PHLPP1: variants seen among roughly 807,000 people sequenced by gnomAD.
The protein encoded by PHLPP1 is PH domain leucine-rich repeat-containing protein phosphatase 1.
Under a neutral mutation model 117.2 loss-of-function variants are expected in PHLPP1, and 42 were observed. That is an observed-to-expected ratio of 0.36 (90% CI 0.28 to 0.46). The LOEUF is 0.46. PHLPP1 is among the 20% of genes least tolerant of loss of function. The pLI is 1.00. For missense variants in PHLPP1, 2,084 were observed against 2,241.9 expected, an observed-to-expected ratio of 0.93 and a Z score of 1.42; for synonymous variants, 1,042 against 970.7, an observed-to-expected ratio of 1.07 and a Z score of -1.37.
intron 10 of PHLPP1, among the ~76,000 whole-genome samples, chr18:62,929,165 T>C (rs1220616517): frequency 6.6e-6 from 1 of 152,184 alleles, no homozygotes; most frequent in Non-Finnish European, 1.5e-5. Context: ...TAAAGCTGTT[T>C]TTTTAAAGAC....
chr18:62,750,659 T>C (rs536172643), intron 1 of PHLPP1, among the ~76,000 whole-genome samples: 77 of 152,084 alleles, frequency 5.1e-4, no homozygotes, highest in Non-Finnish European at 1.0e-3. Context: ...CTTGTTGCTG[T>C]TGTGGAAGGA....
intron 4 of PHLPP1, among the ~76,000 whole-genome samples, chr18:62,871,003 ACATTGTTTATCTCTTTTATT>A (rs1279006755): frequency 9.2e-5 from 14 of 152,192 alleles, no homozygotes. Context: ...TAACTATAAT[ACATTGTTTATCTCTTTTATT>A]AATAGTGCTT....
intron 1 of PHLPP1, among the ~76,000 whole-genome samples, chr18:62,737,373 TGACTC>T (rs1300658207): frequency 6.6e-6 from 1 of 152,204 alleles, no homozygotes; most frequent in African/African-American, 2.4e-5. Context: ...GCTAAGGACT[TGACTC>T]GATAAGCAAG....
chr18:62,788,389 A>G (rs1242129945), intron 1 of PHLPP1, among the ~76,000 whole-genome samples: 9 of 152,116 alleles, frequency 5.9e-5, no homozygotes, highest in Non-Finnish European at 1.3e-4. Flanking sequence ...GTGTAATCTC[A>G]CTGTAATTAC....
chr18:62,831,303 A>G (rs975761130), intron 2 of PHLPP1, among the ~76,000 whole-genome samples: 2 of 151,374 alleles, frequency 1.3e-5, no homozygotes, highest in African/African-American at 4.9e-5. Context: ...AAAATGGGTC[A>G]TTGGGGGCAC....
At chr18:62,962,543 A>G (rs1196291913) in intron 13 of PHLPP1, among the ~76,000 whole-genome samples, 2 of 152,188 alleles carry the variant, frequency 1.3e-5, no homozygotes, top group Admixed American at 6.5e-5. Flanking sequence ...TCCCGACCTC[A>G]GGTGATCCGC....
chr18:62,882,361 C>T (rs2144385476), intron 4 of PHLPP1, among the ~76,000 whole-genome samples: 1 of 152,030 alleles, frequency 6.6e-6, no homozygotes, highest in Middle Eastern at 3.4e-3. Flanking sequence ...CTCTGCCTCC[C>T]AGGTTCACGC....
intron 4 of PHLPP1, among the ~76,000 whole-genome samples, chr18:62,868,382 T>C (rs1915819084): frequency 6.6e-6 from 1 of 152,036 alleles, no homozygotes; most frequent in Non-Finnish European, 1.5e-5. Flanking sequence ...TGCCTGTAAC[T>C]TTGGGAGGCT....
At chr18:62,822,447 AT>A (rs1443963950) in intron 1 of PHLPP1, among the ~76,000 whole-genome samples, 91 of 146,974 alleles carry the variant, frequency 6.2e-4, no homozygotes, top group Non-Finnish European at 9.8e-4. Context: ...ACGCCCAGCT[AT>A]TTTTTTTTTG....
At chr18:62,958,178 T>C (rs1910672877) in intron 12 of PHLPP1, among the ~76,000 whole-genome samples, 1 of 152,260 alleles carries the variant, frequency 6.6e-6, no homozygotes, top group South Asian at 2.1e-4. Context: ...CTACTCGGCC[T>C]CCCAAAGTGC....
chr18:62,830,749 G>A (rs987040700), intron 2 of PHLPP1, among the ~76,000 whole-genome samples: 5 of 152,066 alleles, frequency 3.3e-5, no homozygotes, highest in Non-Finnish European at 7.4e-5. Context: ...TTAGTTATGT[G>A]CATTTTACCT....
At chr18:62,807,461 C>A (rs1255237611) in intron 1 of PHLPP1, among the ~76,000 whole-genome samples, 1 of 152,102 alleles carries the variant, frequency 6.6e-6, no homozygotes, top group African/African-American at 2.4e-5. Context: ...TTCTTGTATT[C>A]ACATAGCTTA....
At chr18:62,747,121 A>G (rs964612109) in intron 1 of PHLPP1, among the ~76,000 whole-genome samples, 1 of 152,074 alleles carries the variant, frequency 6.6e-6, no homozygotes, top group Non-Finnish European at 1.5e-5. Context: ...AAGAATCAGC[A>G]TTAGGTTTTC....
rs889283723 is a variant in PHLPP1 at position 62,797,012 on chromosome 18, A to G, written c.1577-33023A>G. Among the ~76,000 whole-genome samples, 5 of 152,346 alleles carry G rather than the reference A, an allele frequency of 3.3e-5. No homozygotes were observed. The South Asian group carries it at 6.2e-4, about 19-fold the overall frequency. On this transcript the variant is annotated intron_variant, in intron 1 of 16. Coordinates refer to ENST00000262719, the MANE Select transcript of PHLPP1 (RefSeq NM_194449.4). ...GTAGATAGGCAGAAGATATATAAAT[A>G]TTGCCCAAGTGAGATACAGATATCT...
chr18:62,978,532 G>A lies in PHLPP1; in HGVS notation c.4255G>A (p.Val1419Met), dbSNP rs778410161. The part of the protein sequence containing the change: ...YGCHDSISAV[V>M]VQLSVTEDSF... ...CTGCCACGACAGCATCAGCGCTGTG[G>A]TGGTGCAGCTCAGTGTCACTGAGGA... Residue 1419 changes from valine to methionine, a missense_variant, in exon 17 of 17, where the codon GTG becomes ATG. Around this residue, in one of 2 missense-constraint regions of PHLPP1, gnomAD observed 1,365 missense variants for 1,605.9 expected, o/e 0.85. Transcript: ENST00000262719. This position sits in a 1 kb window ranked among gnomAD's most constrained non-coding sequence, Gnocchi z 7.0. 1.9e-5 allele frequency: 31 copies of A among 1,611,342 alleles called. No individual in the cohort carries two copies. Among genetic ancestry groups the A allele is most frequent in the Non-Finnish European group, 2.5e-5 (30 of 1,178,886 alleles).
chr18:62,828,803 A>G (rs957848569), intron 1 of PHLPP1, among the ~76,000 whole-genome samples: 2 of 152,222 alleles, frequency 1.3e-5, no homozygotes, highest in East Asian at 1.9e-4. Context: ...GCCCTTGGCA[A>G]CTAGTCCAAC....
At chr18:62,949,192 AAAGAT>A (rs1232627218) in intron 12 of PHLPP1, among the ~76,000 whole-genome samples, 2 of 152,352 alleles carry the variant, frequency 1.3e-5, no homozygotes, top group East Asian at 1.9e-4. Context: ...ACATTTCAGA[AAAGAT>A]AAGATCATGG....
In PHLPP1 at chr18:62,899,865, G is replaced by A. The variant is rs182799395; in HGVS notation, c.2445-3099G>A. On this transcript the variant is annotated intron_variant, in intron 6 of 16. Transcript: ENST00000262719. ...TTAAATTTTTTAGAGAGATGGGACC[G>A]CAGTTTGTTGCCTAGGCTGGCTCAA... is the stretch of plus-strand genomic sequence containing the variant. Among the ~76,000 whole-genome samples, 670 of 152,252 alleles carry A rather than the reference G, an allele frequency of 4.4e-3. 1 individual carries two copies. Among genetic ancestry groups the A allele is most frequent in the Non-Finnish European group, 6.7e-3 (459 of 68,006 alleles).
intron 1 of PHLPP1, 76 bp downstream of exon 1, chr18:62,717,335 G>T: frequency 6.6e-7 from 1 of 1,507,680 alleles, no homozygotes; most frequent in Non-Finnish European, 8.9e-7. Flanking sequence ...TTGCTTGTCA[G>T]TTTGCCCAAC....
Sources: gnomAD v4.1 joint callset for allele counts (sites outside exome capture counted in the v4.1 genomes callset) on GRCh38, gnomAD v4.1.1 for gene constraint, gnomAD v4.1.1 regional missense constraint, Gnocchi (gnomAD v3.1) non-coding constraint, MANE v1.5 for transcripts, NCBI Gene and HGNC (gene_info 2026-07-23, HGNC 2026-07-21) for gene names.